Variants in ZNF469 observed in about 807,000 individuals in gnomAD.
The protein encoded by ZNF469 is zinc finger protein 469.
In ZNF469, 1 loss-of-function variant was observed where a neutral mutation model predicts 1.0. That is an observed-to-expected ratio of 1.00 (90% confidence interval 0.35 to 4.73). ZNF469 has a LOEUF of 4.73. Among genes scored for constraint, ZNF469 ranks in the 30% most tolerant of loss-of-function variants. The pLI is 0.16. For missense variants in ZNF469, 6,100 were observed against 5,356.3 expected (o/e 1.14, Z -4.33); for synonymous variants, 2,703 against 2,363.4 (o/e 1.14, Z -4.17).
the ZNF469 span, among the ~76,000 whole-genome samples, chr16:88,369,763 C>T: frequency 1.3e-5 from 2 of 152,198 alleles, no homozygotes; most frequent in South Asian, 2.1e-4. Flanking sequence ...CGAGGGGCCA[C>T]GGTGAGGTGG....
chr16:88,208,100 G>C, the ZNF469 span, among the ~76,000 whole-genome samples: 3 of 151,696 alleles, frequency 2.0e-5, no homozygotes, highest in Non-Finnish European at 4.4e-5. Flanking sequence ...GTGTGGACTC[G>C]TGGCTTTTTA....
the ZNF469 span, among the ~76,000 whole-genome samples, chr16:88,205,732 G>A: frequency 6.6e-6 from 1 of 152,146 alleles, no homozygotes; most frequent in Non-Finnish European, 1.5e-5. The surrounding 1 kb of genome is among the most constrained non-coding windows in gnomAD (Gnocchi z 4.2). Context: ...TCAGAGACGC[G>A]CGATCATTTC....
Position 88,430,292 on chromosome 16 carries a change from A to T in ZNF469, c.2822A>T (p.Gln941Leu). Reference sequence around the variant, plus strand: ...CCCACCGAGGCGGATGCGCCCAGCCAGGGCAGGCAGCAGAGGAGGGGGAAG... The same window carrying T: ...CCCACCGAGGCGGATGCGCCCAGCCTGGGCAGGCAGCAGAGGAGGGGGAAG... The part of the protein sequence containing the change: ...LAPTEADAPS[Q>L]GRQQRRGKQL... Residue 941 changes from glutamine to leucine, a missense_variant, in exon 3 of 3, where the codon CAG (glutamine) becomes CTG (leucine). Physicochemically the swap from Gln to Leu is moderately radical, Grantham distance 113 (BLOSUM62 -2). Coordinates refer to ENST00000565624, the MANE Select transcript of ZNF469 (RefSeq NM_001367624.2). 4 of 1,514,232 alleles carry T rather than the reference A, an allele frequency of 2.6e-6. No homozygotes were observed. The highest frequency in any genetic ancestry group is 3.5e-6 in the Non-Finnish European group (4 of 1,133,604). 93.8% of individuals were successfully genotyped at this position (1,514,232 alleles called of 1,614,324 possible). A position where few individuals can be genotyped will look rare whatever the true frequency, so the allele number is the denominator to read the frequency against.
the ZNF469 span, among the ~76,000 whole-genome samples, chr16:88,242,678 C>A: frequency 6.6e-6 from 1 of 152,274 alleles, no homozygotes; most frequent in African/African-American, 2.4e-5. Context: ...CTTTCCCAGG[C>A]AGGGTCCTAG....
At chr16:88,292,828 A>G in the ZNF469 span, among the ~76,000 whole-genome samples, 2 of 149,912 alleles carry the variant, frequency 1.3e-5, no homozygotes, top group Non-Finnish European at 3.0e-5. Context: ...AACCTCTAAC[A>G]GAATTTGATT....
At chr16:88,392,139 C>G (rs1377465587) in intron 1 of ZNF469, among the ~76,000 whole-genome samples, 2 of 152,238 alleles carry the variant, frequency 1.3e-5, no homozygotes, top group Middle Eastern at 3.2e-3. Context: ...GCAAAGTATT[C>G]TCATTCCACC....
In ZNF469 at chr16:88,439,250, C is replaced by T; in HGVS notation, c.11780C>T (p.Ala3927Val). 1 of 1,550,484 alleles carries T rather than the reference C, an allele frequency of 6.4e-7. No individual in the cohort carries two copies. The highest frequency in any genetic ancestry group is 1.2e-5 in the South Asian group (1 of 84,062). ...AEPHTHRTAE[A>V]QSDLLSQLFG... The stretch of plus-strand genomic sequence containing the variant: ...CCACACACCCACCGGACGGCCGAGG[C>T]CCAGAGTGACCTCCTCAGCCAGCTC... Residue 3927 changes from alanine (A) to valine (V), a missense_variant, in exon 3 of 3, where the codon GCC becomes GTC. Physicochemically the swap from Ala to Val is moderately conservative, Grantham distance 64 (BLOSUM62 0). Coordinates refer to ENST00000565624, the MANE Select transcript of ZNF469 (RefSeq NM_001367624.2).
the ZNF469 span, among the ~76,000 whole-genome samples, chr16:88,369,009 G>C: frequency 1.3e-5 from 2 of 152,138 alleles, no homozygotes; most frequent in South Asian, 4.1e-4. Context: ...AACCCAGGAG[G>C]TGGAGGTTGC....
rs369697018 is a variant in ZNF469, at chr16:88,426,864, C to T, written c.-126-481C>T. 4.6e-5 allele frequency among the ~76,000 whole-genome samples: 7 copies of T among 152,300 alleles called. No homozygotes were observed. In the East Asian group the frequency reaches 7.7e-4, roughly 17 times the overall value. ...TGCCTCAGTCCCCTATGTCCTGCAA[C>T]GCAGCCTCCTGCCTCAAGGCCCTCC... On this transcript the variant is annotated intron_variant, in intron 2 of 2. Coordinates refer to ENST00000565624, the MANE Select transcript of ZNF469 (RefSeq NM_001367624.2).
In ZNF469 at chr16:88,434,585, C is replaced by G; in HGVS notation, c.7115C>G (p.Thr2372Ser). The change falls in exon 3 of 3, where the codon ACC (threonine) becomes AGC (serine). Residue 2372 changes from threonine (T) to serine (S), a missense_variant. Physicochemically the swap from Thr to Ser is moderately conservative, Grantham distance 58. Coordinates refer to ENST00000565624, the MANE Select transcript of ZNF469 (RefSeq NM_001367624.2). ...SPACLEGEMG[T>S]SSKEPEDPGT... ...GCCTGCCTGGAAGGTGAGATGGGGA[C>G]CAGCAGCAAGGAGCCGGAGGACCCA... 1 of 1,550,332 alleles carries G rather than the reference C, an allele frequency of 6.5e-7. No homozygotes were observed. Among genetic ancestry groups the G allele is most frequent in the Non-Finnish European group, 8.7e-7 (1 of 1,146,950 alleles).
chr16:88,250,096 C>G, the ZNF469 span, among the ~76,000 whole-genome samples: 1 of 152,214 alleles, frequency 6.6e-6, no homozygotes, highest in African/African-American at 2.4e-5. Context: ...TGCAGAAAAG[C>G]GAAGCTGTAT....
the ZNF469 span, among the ~76,000 whole-genome samples, chr16:88,167,826 C>A: frequency 6.6e-6 from 1 of 152,378 alleles, no homozygotes; most frequent in African/African-American, 2.4e-5. Flanking sequence ...CTCTGCACCG[C>A]TCCCCAGGAC....
the ZNF469 span, among the ~76,000 whole-genome samples, chr16:88,161,557 A>G: frequency 6.6e-6 from 1 of 152,224 alleles, no homozygotes; most frequent in African/African-American, 2.4e-5. Context: ...TTTAGAGAAA[A>G]CGTCCTTGCC....
At chr16:88,286,713 G>A in the ZNF469 span, among the ~76,000 whole-genome samples, 13 of 152,270 alleles carry the variant, frequency 8.5e-5, no homozygotes, top group African/African-American at 2.9e-4. Flanking sequence ...GCTGCTGTGA[G>A]CTTTAGAAGG....
chr16:88,281,449 T>C, the ZNF469 span, among the ~76,000 whole-genome samples: 2 of 149,824 alleles, frequency 1.3e-5, no homozygotes, highest in Non-Finnish European at 3.0e-5. Context: ...GTTAGTGCTG[T>C]GCCACACCGA....
chr16:88,290,977 C>G, the ZNF469 span, among the ~76,000 whole-genome samples: 51 of 152,344 alleles, frequency 3.3e-4, no homozygotes, highest in Non-Finnish European at 5.7e-4. Context: ...GGCCAGTGCT[C>G]TCTGCCTGAT....
upstream of ZNF469, among the ~76,000 whole-genome samples, chr16:88,380,955 C>T (rs557698955): frequency 6.8e-6 from 1 of 147,394 alleles, no homozygotes; most frequent in African/African-American, 2.5e-5. Context: ...GACACGCCCT[C>T]ACACACAGAC....
the ZNF469 span, among the ~76,000 whole-genome samples, chr16:88,337,244 T>C: frequency 6.6e-6 from 1 of 152,150 alleles, no homozygotes; most frequent in Non-Finnish European, 1.5e-5. Context: ...AGGAGGTAAC[T>C]GAATCATGGG....
At chr16:88,133,820 A>G in the ZNF469 span, among the ~76,000 whole-genome samples, 7 of 152,240 alleles carry the variant, frequency 4.6e-5, no homozygotes, top group Admixed American at 1.3e-4. Context: ...TCAGCCGGAC[A>G]CAGTGGCTCA....
Sources: gnomAD v4.1 joint callset for allele counts (sites outside exome capture counted in the v4.1 genomes callset) on GRCh38, gnomAD v4.1.1 for gene constraint, Gnocchi (gnomAD v3.1) non-coding constraint, MANE v1.5 for transcripts, NCBI Gene and HGNC (gene_info 2026-07-23, HGNC 2026-07-21) for gene names.